ADCY2: variants seen among roughly 807,000 people sequenced by gnomAD.
The protein encoded by ADCY2 is adenylate cyclase 2.
Under a neutral mutation model 125.2 loss-of-function variants are expected in ADCY2, and 31 were observed. The observed-to-expected ratio is 0.25, with a 90% CI of 0.19 to 0.33. ADCY2 has a LOEUF of 0.33. Among genes scored for constraint, ADCY2 ranks in the 10% least tolerant of loss-of-function variants. The probability of loss-of-function intolerance (pLI) is 1.00; values close to 1 mark genes in which losing one functional copy is unlikely to be tolerated. For synonymous variants in ADCY2, 512 were observed against 548.4 expected (o/e 0.93, Z 0.93); for missense variants, 904 against 1,418.2 (o/e 0.64, Z 5.82).
chr5:7,499,679 ATATGTATATATATGTG>A (rs1466465020), intron 2 of ADCY2, among the ~76,000 whole-genome samples: 170 of 134,890 alleles, frequency 1.3e-3, no homozygotes, highest in African/African-American at 4.7e-3. Context: ...ATATATATAT[ATATGTATATATATGTG>A]TATATATATG....
At chr5:7,628,396 C>T (rs1738202403) in intron 4 of ADCY2, among the ~76,000 whole-genome samples, 1 of 152,186 alleles carries the variant, frequency 6.6e-6, no homozygotes, top group Admixed American at 6.5e-5. Context: ...CTCACCTGCA[C>T]ATCATATTTC....
At chr5:7,727,076 A>C (rs1031894253) in intron 13 of ADCY2, 88 bp from the exon 14 acceptor site, 1 of 931,270 alleles carries the variant, frequency 1.1e-6, no homozygotes, top group Non-Finnish European at 1.7e-6. Context: ...AGTGTGGTGC[A>C]TGCTCTGGGT....
intron 2 of ADCY2, among the ~76,000 whole-genome samples, chr5:7,492,442 C>A (rs1175915869): frequency 6.6e-5 from 10 of 152,152 alleles, no homozygotes; most frequent in Admixed American, 6.5e-4. Flanking sequence ...ACGTTAAGAC[C>A]AGCCCCTGGG....
intron 3 of ADCY2, among the ~76,000 whole-genome samples, chr5:7,614,459 G>A (rs1265771462): frequency 6.6e-6 from 1 of 152,096 alleles, no homozygotes; most frequent in Non-Finnish European, 1.5e-5. Flanking sequence ...TCATCTTGGT[G>A]CCCTCAACCT....
At chr5:7,426,788 C>G (rs1407778833) in intron 2 of ADCY2, among the ~76,000 whole-genome samples, 1 of 152,096 alleles carries the variant, frequency 6.6e-6, no homozygotes, top group Non-Finnish European at 1.5e-5. Flanking sequence ...GGCTTCCACC[C>G]TCTGTAACGG....
At chr5:7,566,764 A>G (rs995934578) in intron 3 of ADCY2, among the ~76,000 whole-genome samples, 1 of 152,110 alleles carries the variant, frequency 6.6e-6, no homozygotes, top group African/African-American at 2.4e-5. Context: ...ACAAAGAAAA[A>G]ACAGAATTAG....
At chr5:7,479,742 C>T (rs1444630274) in intron 2 of ADCY2, among the ~76,000 whole-genome samples, 4 of 152,100 alleles carry the variant, frequency 2.6e-5, no homozygotes, top group African/African-American at 9.6e-5. Context: ...CCGTAAATCC[C>T]CCCAGTTACC....
At chr5:7,713,364 T>C (rs1741498586) in intron 11 of ADCY2, among the ~76,000 whole-genome samples, 1 of 151,810 alleles carries the variant, frequency 6.6e-6, no homozygotes, top group Non-Finnish European at 1.5e-5. Context: ...TGTTGTGGCA[T>C]ATGCCTGTAA....
chr5:7,650,016 A>G (rs1431974763), intron 4 of ADCY2, among the ~76,000 whole-genome samples: 1 of 151,956 alleles, frequency 6.6e-6, no homozygotes, highest in African/African-American at 2.4e-5. Context: ...TACCATCCTC[A>G]TCCAAGCCAG....
intron 2 of ADCY2, among the ~76,000 whole-genome samples, chr5:7,517,442 T>C (rs1744292528): frequency 6.6e-6 from 1 of 152,168 alleles, no homozygotes; most frequent in South Asian, 2.1e-4. Flanking sequence ...TGAAGTTGCA[T>C]TGGAAAGCAG....
At chr5:7,778,374 G>A (rs1743809911) in intron 18 of ADCY2, among the ~76,000 whole-genome samples, 3 of 152,164 alleles carry the variant, frequency 2.0e-5, no homozygotes, top group South Asian at 2.1e-4. Flanking sequence ...GAGACACATG[G>A]GACATGGAGA....
intron 4 of ADCY2, among the ~76,000 whole-genome samples, chr5:7,634,985 A>G (rs559417280): frequency 1.6e-3 from 242 of 152,222 alleles, no homozygotes; most frequent in African/African-American, 5.6e-3. Flanking sequence ...AAGGTCTCAG[A>G]CCTAGGAGGG....
intron 4 of ADCY2, among the ~76,000 whole-genome samples, chr5:7,642,699 T>A (rs1011729401): frequency 1.3e-5 from 2 of 152,116 alleles, no homozygotes; most frequent in Non-Finnish European, 2.9e-5. Flanking sequence ...ATAAAAAATT[T>A]TAATGGCAAC....
At chr5:7,825,408 C>T (rs1561049130) in intron 24 of ADCY2, among the ~76,000 whole-genome samples, 1 of 152,254 alleles carries the variant, frequency 6.6e-6, no homozygotes, top group Non-Finnish European at 1.5e-5. Flanking sequence ...TGCTGTGTGC[C>T]ATAACACTGC....
intron 3 of ADCY2, among the ~76,000 whole-genome samples, chr5:7,609,343 G>C (rs1266465424): frequency 6.6e-6 from 1 of 152,224 alleles, no homozygotes; most frequent in Non-Finnish European, 1.5e-5. Flanking sequence ...AAGCCCATAA[G>C]GGCAGGGCTT....
intron 7 of ADCY2, 136 bp from the exon 8 acceptor site, chr5:7,706,608 T>A: frequency 1.1e-6 from 1 of 948,708 alleles, no homozygotes; most frequent in Non-Finnish European, 1.6e-6. Context: ...AGGAGTGATC[T>A]CCTGCCATAG....
chr5:7,486,390 G>C (rs1742928686), intron 2 of ADCY2, among the ~76,000 whole-genome samples: 1 of 152,280 alleles, frequency 6.6e-6, no homozygotes, highest in South Asian at 2.1e-4. Flanking sequence ...CTGATACTTG[G>C]TTTATAAACT....
intron 3 of ADCY2, among the ~76,000 whole-genome samples, chr5:7,546,143 A>G (rs776344728): frequency 6.6e-6 from 1 of 152,148 alleles, no homozygotes; most frequent in African/African-American, 2.4e-5. Flanking sequence ...AAAGTACCCT[A>G]ATAAGGTTAT....
chr5:7,523,050 G>A (rs1199924865), intron 3 of ADCY2, among the ~76,000 whole-genome samples: 1 of 152,078 alleles, frequency 6.6e-6, no homozygotes, highest in African/African-American at 2.4e-5. Context: ...TTCACTATTT[G>A]GGGTACCCTG....
Sources: allele counts gnomAD v4.1 joint callset (sites outside exome capture counted in the v4.1 genomes callset), GRCh38; gene constraint gnomAD v4.1.1; transcripts MANE v1.5; gene names NCBI Gene and HGNC (gene_info 2026-07-23, HGNC 2026-07-21).